Variants in AP3B1 observed in about 807,000 individuals in gnomAD.
AP3B1 encodes adaptor related protein complex 3 subunit beta 1.
AP3B1 carries 61 observed loss-of-function variants against 132.5 expected under a neutral mutation model. The ratio of observed to expected loss-of-function variants is 0.46; its 90% CI spans 0.37 to 0.57. The LOEUF is 0.57. Ranked by LOEUF, AP3B1 falls within the 20% of genes least tolerant of loss-of-function variation. The probability of loss-of-function intolerance (pLI) is 0.00; values close to 1 mark genes in which losing one functional copy is unlikely to be tolerated. For missense variants in AP3B1, 1,120 were observed against 1,289.4 expected (o/e 0.87, Z 2.01); for synonymous variants, 388 against 438.3 (o/e 0.89, Z 1.43).
At chr5:78,269,250 T>G (rs550076409) in intron 1 of AP3B1, among the ~76,000 whole-genome samples, 1 of 152,340 alleles carries the variant, frequency 6.6e-6, no homozygotes, top group African/African-American at 2.4e-5. Flanking sequence ...TACCTGTGTC[T>G]TCATTTACCT....
intron 2 of AP3B1, among the ~76,000 whole-genome samples, chr5:78,260,552 C>G (rs35023872): frequency 0.024 from 3,615 of 151,930 alleles, 162 homozygotes; most frequent in African/African-American, 0.082. Flanking sequence ...TGAGATCACA[C>G]CACTGCACTC....
chr5:78,247,278 T>C (rs1287313906), intron 2 of AP3B1, among the ~76,000 whole-genome samples: 2 of 148,364 alleles, frequency 1.3e-5, no homozygotes, highest in Admixed American at 6.7e-5. Context: ...AATTATAATA[T>C]ATAGATAATA....
chr5:78,072,771 G>C (rs1749595929), intron 22 of AP3B1, among the ~76,000 whole-genome samples: 1 of 129,354 alleles, frequency 7.7e-6, no homozygotes, highest in South Asian at 2.4e-4. Context: ...ACCCAGGCTG[G>C]AGTGCAATGG....
chr5:78,148,937 C>A (rs142552334), intron 14 of AP3B1, among the ~76,000 whole-genome samples: 1 of 152,220 alleles, frequency 6.6e-6, no homozygotes, highest in East Asian at 1.9e-4. Flanking sequence ...ACTAGAGACA[C>A]GACTGAATTT....
At chr5:78,021,633 C>T (rs1023925037) in intron 24 of AP3B1, among the ~76,000 whole-genome samples, 2 of 152,044 alleles carry the variant, frequency 1.3e-5, no homozygotes, top group Non-Finnish European at 1.5e-5. Context: ...AGGCATTGAT[C>T]GTTTATAATA....
At chr5:78,176,924 G>A (rs1426814117) in intron 9 of AP3B1, among the ~76,000 whole-genome samples, 1 of 152,132 alleles carries the variant, frequency 6.6e-6, no homozygotes, top group Admixed American at 6.5e-5. Flanking sequence ...ACATTACTTA[G>A]CATACACATT....
intron 20 of AP3B1, among the ~76,000 whole-genome samples, chr5:78,103,960 A>T (rs533663913): frequency 2.6e-5 from 4 of 152,084 alleles, no homozygotes; most frequent in Admixed American, 2.0e-4. Flanking sequence ...CATGCTGATT[A>T]AAAAAAAGGC....
At chr5:78,231,242 C>A (rs934865387) in intron 3 of AP3B1, among the ~76,000 whole-genome samples, 5 of 152,050 alleles carry the variant, frequency 3.3e-5, no homozygotes, top group African/African-American at 1.2e-4. Flanking sequence ...GGCGATCTCG[C>A]GACTTACTGC....
At position 78,215,938 on chromosome 5, in the gene AP3B1, G is replaced by A. The variant is rs1745942579; in HGVS notation, c.786+117C>T. Reference sequence around the variant, plus strand: ...TAGTAAAAGAACAAGAGACAAATGAGTCTTCCTTAAATATGCAGATTTCTC... The same window carrying A: ...TAGTAAAAGAACAAGAGACAAATGAATCTTCCTTAAATATGCAGATTTCTC... On this transcript the variant is annotated intron_variant, in intron 7 of 26. Coordinates refer to ENST00000255194, the MANE Select transcript of AP3B1 (RefSeq NM_003664.5). 15 of 904,538 alleles carry A rather than the reference G, an allele frequency of 1.7e-5. No homozygotes were observed. In the South Asian group the frequency reaches 2.2e-4, roughly 13 times the overall value. The allele number at this position is 904,538 out of a possible 1,614,324, so 56.0% of individuals were successfully genotyped here. A position where few individuals can be genotyped will look rare whatever the true frequency, so the allele number is the denominator to read the frequency against.
chr5:78,191,932 C>T (rs1744851214), intron 7 of AP3B1, among the ~76,000 whole-genome samples: 1 of 152,104 alleles, frequency 6.6e-6, no homozygotes, highest in Non-Finnish European at 1.5e-5. Context: ...GCGATCTCGG[C>T]TCACTGCAAC....
chr5:78,047,119 A>T (rs1440660201), intron 22 of AP3B1, among the ~76,000 whole-genome samples: 2 of 152,152 alleles, frequency 1.3e-5, no homozygotes, highest in Admixed American at 1.3e-4. Flanking sequence ...CATTTGGGTT[A>T]CTTCCAAGTC....
chr5:78,008,237 C>T (rs1272614076), intron 26 of AP3B1, among the ~76,000 whole-genome samples: 1 of 152,156 alleles, frequency 6.6e-6, no homozygotes, highest in African/African-American at 2.4e-5. Context: ...ATTCTTACCC[C>T]ATTCTCTTTG....
At chr5:78,046,767 T>C (rs535190694) in intron 22 of AP3B1, among the ~76,000 whole-genome samples, 119 of 152,176 alleles carry the variant, frequency 7.8e-4, no homozygotes, top group African/African-American at 2.6e-3. Context: ...GTTTGTTACA[T>C]AGGTATACAC....
chr5:78,089,478 A>T lies in AP3B1; in HGVS notation c.2492T>A (p.Val831Asp), dbSNP rs149948974. ...AGAAAGAGCTGGTGTGGGAAGTGCA[A>T]CTGGAGTGGATACTGGGTTAACTGT... ...LDDFNPVSTP[V>D]ALPTPALSPS... is the part of the protein sequence containing the mutation. Residue 831 changes from valine to aspartate, a missense_variant, in exon 22 of 27, where the codon GTT becomes GAT. Val to Asp is a radical substitution (Grantham distance 152). Transcript: ENST00000255194. The T allele has an allele frequency of 5.0e-6, 8 of 1,612,582 alleles. No homozygotes were observed. The African/African-American group carries it at 8.0e-5, about 16-fold the overall frequency.
chr5:78,078,475 T>A (rs961912656), intron 22 of AP3B1, among the ~76,000 whole-genome samples: 1 of 152,210 alleles, frequency 6.6e-6, no homozygotes, highest in Admixed American at 6.5e-5. Flanking sequence ...CCCCAAAACA[T>A]ACATTTTGTA....
rs1275656189 is a variant in AP3B1, at chr5:78,225,546, C to T, written c.599G>A (p.Ser200Asn). Residue 200 changes from serine (S) to asparagine (N), a missense_variant, in exon 6 of 27, where the codon AGC becomes AAC. Physicochemically the swap from Ser to Asn is conservative, Grantham distance 46. Transcript: ENST00000255194. ...EVIEKLLKDK[S>N]TLVAGSVVMA... ...ACGTAAAAAGACATTACTTACTGTGCTTTTATCTTTCAGAAGTTTTTCAAT... is the reference window on the plus strand; with the variant it reads ...ACGTAAAAAGACATTACTTACTGTGTTTTTATCTTTCAGAAGTTTTTCAAT... The T allele has an allele frequency of 1.3e-6, 2 of 1,558,786 alleles. No individual in the cohort carries two copies. The highest frequency in any genetic ancestry group is 1.4e-5 in the African/African-American group (1 of 73,716).
intron 7 of AP3B1, among the ~76,000 whole-genome samples, chr5:78,184,512 C>G (rs1212712574): frequency 6.6e-6 from 1 of 151,848 alleles, no homozygotes; most frequent in Non-Finnish European, 1.5e-5. Context: ...CGGTGAAACC[C>G]CGCCTCTACT....
At chr5:78,038,877 A>G (rs770247199) in intron 23 of AP3B1, among the ~76,000 whole-genome samples, 166 bp downstream of exon 23, 18 of 152,244 alleles carry the variant, frequency 1.2e-4, no homozygotes, top group Non-Finnish European at 2.1e-4. Context: ...CTTATATGAT[A>G]AATTCAGTTT....
intron 22 of AP3B1, among the ~76,000 whole-genome samples, chr5:78,046,358 T>A (rs1459371399): frequency 6.6e-6 from 1 of 152,196 alleles, no homozygotes; most frequent in Non-Finnish European, 1.5e-5. Flanking sequence ...CTTATGAGCA[T>A]CTAACGCCTG....
Sources: allele counts gnomAD v4.1 joint callset (sites outside exome capture counted in the v4.1 genomes callset), GRCh38; gene constraint gnomAD v4.1.1; transcripts MANE v1.5; gene names NCBI Gene and HGNC (gene_info 2026-07-23, HGNC 2026-07-21).